The following YTHDC2 variants were observed in gnomAD, a reference collection of about 807,000 sequenced individuals.
YTHDC2 encodes the protein YTH N6-methyladenosine RNA binding protein C2.
A neutral mutation model predicts 174.9 loss-of-function variants in YTHDC2; 45 were observed. That is an observed-to-expected ratio of 0.26 (90% confidence interval 0.20 to 0.33). The LOEUF (loss-of-function observed/expected upper bound fraction) is 0.33, where lower values mean the gene tolerates loss of function less well. YTHDC2 is among the 10% of genes least tolerant of loss of function. The pLI is 1.00. For synonymous variants in YTHDC2, 657 were observed against 574.5 expected, an observed-to-expected ratio of 1.14 and a Z score of -2.05; for missense variants, 1,650 against 1,723.7, an observed-to-expected ratio of 0.96 and a Z score of 0.76.
At position 113,548,823 on chromosome 5, in the gene YTHDC2, T is replaced by G. The variant is rs906292815; in HGVS notation, c.1623-132T>G. ...GTTAATAATTTTGAATGACTTGTTT[T>G]TTAACTATAATTTATCTTATTTTTT... On this transcript the variant is annotated intron_variant, in intron 11 of 29. Coordinates refer to ENST00000161863, the MANE Select transcript of YTHDC2 (RefSeq NM_022828.5). The G allele has an allele frequency of 8.7e-6, 10 of 1,143,978 alleles. 1 individual carries two copies. Among genetic ancestry groups the G allele is most frequent in the Non-Finnish European group, 1.2e-6 (1 of 850,904 alleles). The allele number at this position is 1,143,978 out of a possible 1,614,324, so 70.9% of individuals were successfully genotyped here.
In YTHDC2 at chr5:113,594,570, CAT is replaced by C. The variant is rs1280682584; in HGVS notation, c.*1099_*1100del. ...GTAAATCCGTGCTTGTGCCAAGTCT[CAT>C]ATTTCTTTGCCATCTCAGAATTATC... On this transcript the variant is annotated 3_prime_UTR_variant, in exon 30 of 30. Transcript: ENST00000161863. 1 of 151,866 alleles carries C rather than the reference CAT, an allele frequency of 6.6e-6. No homozygotes were observed. The highest frequency in any genetic ancestry group is 1.5e-5 in the Non-Finnish European group (1 of 67,972). 9.4% of individuals were successfully genotyped at this position (151,866 alleles called of 1,614,324 possible). A position where few individuals can be genotyped will look rare whatever the true frequency, so the allele number is the denominator to read the frequency against.
At position 113,594,397 on chromosome 5, in the gene YTHDC2, G is replaced by T. The variant is rs1393852098; in HGVS notation, c.*923G>T. 2 of 152,268 alleles carry T rather than the reference G, an allele frequency of 1.3e-5. No homozygotes were observed. The highest frequency in any genetic ancestry group is 4.8e-5 in the African/African-American group (2 of 41,564). 9.4% of individuals were successfully genotyped at this position (152,268 alleles called of 1,614,324 possible). ...TCTCAACTGGTAGCTTGCTTGCTGT[G>T]CGTCTTCCAAACTAAAGCCTGCAAG... On this transcript the variant is annotated 3_prime_UTR_variant, in exon 30 of 30. Transcript: ENST00000161863.
Position 113,513,967 on chromosome 5 carries a change from T to C in YTHDC2, c.72T>C (p.Pro24=), listed in dbSNP as rs753141149. Reference sequence around the variant, plus strand: ...GTGGCGGAGGCGGCGGCCCCTCGCCTTGTGGCCCTGGGGGCGGCGGCCGGG... The same window carrying C: ...GTGGCGGAGGCGGCGGCCCCTCGCCCTGTGGCCCTGGGGGCGGCGGCCGGG... ...PGGGGGGGPS[P]CGPGGGGRAK... Residue 24 remains proline, a synonymous_variant, in exon 1 of 30, where the codon CCT becomes CCC. Transcript: ENST00000161863. 21 of 1,603,404 alleles carry C rather than the reference T, an allele frequency of 1.3e-5. No homozygotes were observed. The Admixed American group carries it at 2.9e-4, about 22-fold the overall frequency.
intron 8 of YTHDC2, among the ~76,000 whole-genome samples, chr5:113,540,339 G>A (rs1214864330): frequency 6.6e-6 from 1 of 152,120 alleles, no homozygotes; most frequent in African/African-American, 2.4e-5. Flanking sequence ...TCTTAATTCT[G>A]GACTTACTTA....
Position 113,574,232 on chromosome 5 carries a change from T to C in YTHDC2, c.3245-5354T>C, listed in dbSNP as rs564805094. On this transcript the variant is annotated intron_variant, in intron 23 of 29. Coordinates refer to ENST00000161863, the MANE Select transcript of YTHDC2 (RefSeq NM_022828.5). ...CTTCCATAGGGCTGCTGCGGTTTGC[T>C]GGGGCTCCCCACCAGACCTCAGTTG... Among the ~76,000 whole-genome samples, 14 of 152,304 alleles carry C rather than the reference T, an allele frequency of 9.2e-5. No individual in the cohort carries two copies. The East Asian group carries it at 2.7e-3, about 29-fold the overall frequency.
intron 3 of YTHDC2, among the ~76,000 whole-genome samples, chr5:113,525,742 A>T (rs1456685844): frequency 6.6e-6 from 1 of 152,136 alleles, no homozygotes; most frequent in African/African-American, 2.4e-5. Flanking sequence ...TGGGTTATAA[A>T]ATAAAGATGT....
rs1352821093 is a variant in YTHDC2, at chr5:113,539,089, T to G, written c.1118T>G (p.Phe373Cys). 7.1e-7 allele frequency: 1 copy of G among 1,412,366 alleles called. No homozygotes were observed. Among genetic ancestry groups the G allele is most frequent in the East Asian group, 2.6e-5 (1 of 39,108 alleles). The allele number at this position is 1,412,366 out of a possible 1,614,324, so 87.5% of individuals were successfully genotyped here. ...TATTATTTAGTACAGGGAAGACCATTTGAAGTAAAAGAAATGTTTCTGGAA... is the reference window on the plus strand; with the variant it reads ...TATTATTTAGTACAGGGAAGACCATGTGAAGTAAAAGAAATGTTTCTGGAA... ...CPVIYIQGRP[F>C]EVKEMFLEDI... Residue 373 changes from phenylalanine to cysteine, a missense_variant, in exon 8 of 30, where the codon TTT becomes TGT. Phe to Cys is a radical substitution (Grantham distance 205). Coordinates refer to ENST00000161863, the MANE Select transcript of YTHDC2 (RefSeq NM_022828.5).
rs146555143 is a variant in YTHDC2 at position 113,548,286 on chromosome 5, C to T, written c.1496-255C>T. Reference sequence around the variant, plus strand: ...TGAAATAATATAGATGAGCTTAAAACAGTTTAACATCGATCTTTCCTTCTC... The same window carrying T: ...TGAAATAATATAGATGAGCTTAAAATAGTTTAACATCGATCTTTCCTTCTC... On this transcript the variant is annotated intron_variant, in intron 10 of 29. Transcript: ENST00000161863. Among the ~76,000 whole-genome samples the T allele has an allele frequency of 5.5e-3, 840 of 152,204 alleles. 6 individuals carry two copies. The highest frequency in any genetic ancestry group is 0.02 in the African/African-American group (817 of 41,530).
chr5:113,579,691 C>T lies in YTHDC2; in HGVS notation c.3350C>T (p.Pro1117Leu). 1.9e-6 allele frequency: 3 copies of T among 1,603,020 alleles called. No individual in the cohort carries two copies. Among genetic ancestry groups the T allele is most frequent in the Non-Finnish European group, 2.6e-6 (3 of 1,174,600 alleles). ...GAGTGGCTCCATTTCACACTGGAGC[C>T]AGAGGTAAGTTGCTTTCAAGTAGTG... ...LDEWLHFTLE[P>L]EAASLLLQLR... Residue 1117 changes from proline (P) to leucine (L), a missense_variant, in exon 24 of 30, where the codon CCA becomes CTA. By Grantham distance (98) the Pro-to-Leu change is moderately conservative. Coordinates refer to ENST00000161863, the MANE Select transcript of YTHDC2 (RefSeq NM_022828.5).
In YTHDC2 at chr5:113,589,774, T is replaced by C. The variant is rs148713632; in HGVS notation, c.3826-1267T>C. 2.9e-3 allele frequency among the ~76,000 whole-genome samples: 442 copies of C among 152,236 alleles called. 3 individuals are homozygous for C. Among genetic ancestry groups the C allele is most frequent in the African/African-American group, 0.01 (430 of 41,542 alleles). On this transcript the variant is annotated intron_variant, in intron 26 of 29. Transcript: ENST00000161863. Reference sequence around the variant, plus strand: ...ATATCTTCCATTTCTCCTCTCATTATGTTCAAGTTTTCCTCTACCTTCTTG... The same window carrying C: ...ATATCTTCCATTTCTCCTCTCATTACGTTCAAGTTTTCCTCTACCTTCTTG...
chr5:113,576,104 A>AT (rs1429430633), intron 23 of YTHDC2, among the ~76,000 whole-genome samples: 1 of 151,376 alleles, frequency 6.6e-6, no homozygotes. Flanking sequence ...CTCTAAGTAA[A>AT]TTTTTTTTTA....
chr5:113,556,163 A>G (rs1231077889), intron 17 of YTHDC2, 29 bp downstream of exon 17: 2 of 1,364,152 alleles, frequency 1.5e-6, no homozygotes, highest in South Asian at 1.3e-5. Context: ...ATATTCATTC[A>G]ATTGCCTGTA....
intron 17 of YTHDC2, among the ~76,000 whole-genome samples, chr5:113,557,351 A>G (rs1212471641): frequency 6.6e-6 from 1 of 152,238 alleles, no homozygotes; most frequent in East Asian, 1.9e-4. Context: ...AGAATGCCTC[A>G]TATACTGAAG....
intron 18 of YTHDC2, among the ~76,000 whole-genome samples, chr5:113,561,957 G>GGTGGGTGTGTGTGT (rs1347716150): frequency 9.6e-5 from 13 of 134,960 alleles, no homozygotes; most frequent in Middle Eastern, 4.1e-3. Flanking sequence ...ATTAATTGTG[G>GGTGGGTGTGTGTGT]GTGTGTGTGT....
At chr5:113,546,234 T>A (rs542274836) in intron 10 of YTHDC2, among the ~76,000 whole-genome samples, 1 of 152,336 alleles carries the variant, frequency 6.6e-6, no homozygotes, top group Admixed American at 6.5e-5. Context: ...GCATTTTAAG[T>A]ATTTAAGTAT....
intron 4 of YTHDC2, among the ~76,000 whole-genome samples, chr5:113,531,208 T>G (rs1337708328): frequency 6.6e-6 from 1 of 152,192 alleles, no homozygotes; most frequent in African/African-American, 2.4e-5. Flanking sequence ...TGCTTCTGTA[T>G]GCTGGGTTCT....
At chr5:113,550,942 T>C (rs190614507) in intron 12 of YTHDC2, among the ~76,000 whole-genome samples, 1 of 152,170 alleles carries the variant, frequency 6.6e-6, no homozygotes, top group African/African-American at 2.4e-5. Flanking sequence ...TATAATACAT[T>C]GAAAGCTTCT....
At position 113,591,033 on chromosome 5, in the gene YTHDC2, T is replaced by C. The variant is rs1480929842; in HGVS notation, c.3826-8T>C. The stretch of plus-strand genomic sequence containing the variant: ...TTACCTTTCAAGAACTTATGTTTTC[T>C]TTTATAGGGCTCAAAATCTCCTTCG... On this transcript the variant is annotated splice_polypyrimidine_tract_variant and splice_region_variant and intron_variant, in intron 26 of 29. Coordinates refer to ENST00000161863, the MANE Select transcript of YTHDC2 (RefSeq NM_022828.5). 6 of 1,612,416 alleles carry C rather than the reference T, an allele frequency of 3.7e-6. No homozygotes were observed. In the South Asian group the frequency reaches 4.4e-5, roughly 12 times the overall value.
chr5:113,577,985 G>A (rs1331520679), intron 23 of YTHDC2, among the ~76,000 whole-genome samples: 1 of 151,906 alleles, frequency 6.6e-6, no homozygotes, highest in South Asian at 2.1e-4. Flanking sequence ...ATTACCTTCA[G>A]GTGGTAATAC....
Sources: allele counts gnomAD v4.1 joint callset (sites outside exome capture counted in the v4.1 genomes callset), GRCh38; gene constraint gnomAD v4.1.1; transcripts MANE v1.5; gene names NCBI Gene and HGNC (gene_info 2026-07-23, HGNC 2026-07-21).